The following TMC4 variants were observed in gnomAD, a reference collection of about 807,000 sequenced individuals.
TMC4 encodes the protein voltage-gated chloride channel TMC4.
TMC4 carries 70 observed loss-of-function variants against 82.0 expected under a neutral mutation model. That is an observed-to-expected ratio of 0.85 (90% CI 0.70 to 1.04). The LOEUF is 1.04. TMC4 is among the 50% of genes least tolerant of loss of function. The pLI is 0.00. For missense variants in TMC4, 879 were observed against 899.0 expected, an observed-to-expected ratio of 0.98 and a Z score of 0.28; for synonymous variants, 446 against 406.0, an observed-to-expected ratio of 1.10 and a Z score of -1.18.
rs1287544981 is a variant in TMC4, at chr19:54,168,454, C to T, written c.669G>A (p.Ser223=). The T allele has an allele frequency of 1.9e-6, 3 of 1,543,752 alleles. No individual in the cohort carries two copies. The highest frequency in any genetic ancestry group is 2.5e-5 in the East Asian group (1 of 40,812). The part of the protein sequence containing the change: ...TFATQLFNLL[S]GEGYLEWSPL... ...CAGGGACCCAGGCACCTACCTCACCCGAGAGCAAGTTGAAGAGCTGGGTGG... is the reference window on the plus strand; with the variant it reads ...CAGGGACCCAGGCACCTACCTCACCTGAGAGCAAGTTGAAGAGCTGGGTGG... Residue 223 remains serine (S), a synonymous_variant, in exon 4 of 15, where the codon TCG becomes TCA. Transcript: ENST00000619895.
chr19:54,160,158 A>C lies in TMC4; in HGVS notation c.*148T>G. Reference sequence around the variant, plus strand: ...ATACAAGGAAGATCACCCGAGAGTCAGGGACGTGGCGGCGAGGGGCCCTGG... The same window carrying C: ...ATACAAGGAAGATCACCCGAGAGTCCGGGACGTGGCGGCGAGGGGCCCTGG... On this transcript the variant is annotated 3_prime_UTR_variant, in exon 15 of 15. Transcript: ENST00000619895. 3.5e-6 allele frequency: 3 copies of C among 854,396 alleles called. No homozygotes were observed. The East Asian group carries it at 7.9e-5, about 22-fold the overall frequency. The allele number at this position is 854,396 out of a possible 1,614,324, so 52.9% of individuals were successfully genotyped here.
chr19:54,164,073 C>T (rs1190156662), intron 7 of TMC4, among the ~76,000 whole-genome samples, 186 bp from the exon 8 acceptor site: 1 of 150,388 alleles, frequency 6.6e-6, no homozygotes, highest in African/African-American at 2.5e-5. Flanking sequence ...CTCCCGGGTT[C>T]AAGTGATTCT....
chr19:54,172,963 C>T (rs934535264), intron 1 of TMC4, 76 bp downstream of exon 1: 1 of 1,326,886 alleles, frequency 7.5e-7, no homozygotes, highest in East Asian at 2.4e-5. Flanking sequence ...GGCCAGGCCT[C>T]CCCTTTCCTC....
intron 2 of TMC4, 65 bp from the exon 3 acceptor site, chr19:54,169,725 A>C (rs546618234): frequency 6.3e-7 from 1 of 1,589,168 alleles, no homozygotes; most frequent in Non-Finnish European, 8.5e-7. Context: ...ATCTGAATGT[A>C]GACACAATCC....
intron 2 of TMC4, among the ~76,000 whole-genome samples, chr19:54,171,001 C>T (rs2075867525): frequency 6.7e-6 from 1 of 148,752 alleles, no homozygotes; most frequent in African/African-American, 2.5e-5. Context: ...GATCCCACTA[C>T]TGATCGGTGT....
intron 5 of TMC4, among the ~76,000 whole-genome samples, chr19:54,167,296 A>G (rs2075728798): frequency 6.7e-6 from 1 of 149,672 alleles, no homozygotes; most frequent in Non-Finnish European, 1.5e-5. Context: ...GGTGGCTCAC[A>G]CCTGTAATCC....
chr19:54,165,850 AC>A (rs1329228203), intron 5 of TMC4, among the ~76,000 whole-genome samples: 1 of 152,128 alleles, frequency 6.6e-6, no homozygotes, highest in Non-Finnish European at 1.5e-5. Context: ...GGGGGCAGAA[AC>A]CCAGAGTGAG....
chr19:54,168,824 TTTCTTTTCTTTTCTTTTC>T lies in TMC4; in HGVS notation c.443-162_443-145del, dbSNP rs2075783277. 3 of 127,848 alleles carry T rather than the reference TTTCTTTTCTTTTCTTTTC, an allele frequency of 2.3e-5. 1 individual carries two copies. The highest frequency in any genetic ancestry group is 3.5e-5 in the Non-Finnish European group (3 of 86,038). 7.9% of individuals were successfully genotyped at this position (127,848 alleles called of 1,614,324 possible). On this transcript the variant is annotated intron_variant, in intron 3 of 14. Coordinates refer to ENST00000619895, the MANE Select transcript of TMC4 (RefSeq NM_144686.4). ...TTTCTTTTCTTTTCTTTTCTTTTCT[TTTCTTTTCTTTTCTTTTC>T]TTTTCTTTTCTTTTCTTTTCTTTTC...
chr19:54,162,940 C>T (rs2075603630), intron 9 of TMC4, 93 bp downstream of exon 9: 1 of 1,596,266 alleles, frequency 6.3e-7, no homozygotes, highest in South Asian at 1.1e-5. Flanking sequence ...ACCCCAAGCT[C>T]CCCTCTCCGC....
chr19:54,166,926 C>T (rs985658654), intron 5 of TMC4, among the ~76,000 whole-genome samples: 1 of 151,556 alleles, frequency 6.6e-6, no homozygotes, highest in Non-Finnish European at 1.5e-5. Context: ...GCACTCTAGC[C>T]TGGGTGACAG....
chr19:54,160,144 A>G lies in TMC4; in HGVS notation c.*162T>C, dbSNP rs2075499962. ...GGCTGTATTTATTGATACAAGGAAGATCACCCGAGAGTCAGGGACGTGGCG... is the reference window on the plus strand; with the variant it reads ...GGCTGTATTTATTGATACAAGGAAGGTCACCCGAGAGTCAGGGACGTGGCG... On this transcript the variant is annotated 3_prime_UTR_variant, in exon 15 of 15. Transcript: ENST00000619895. The G allele has an allele frequency of 1.3e-6, 1 of 757,730 alleles. No homozygotes were observed. 46.9% of individuals were successfully genotyped at this position (757,730 alleles called of 1,614,324 possible). A position where few individuals can be genotyped will look rare whatever the true frequency, so the allele number is the denominator to read the frequency against.
In TMC4 at chr19:54,168,317, G is replaced by A. The variant is rs568342984; in HGVS notation, c.676-25C>T. Reference sequence around the variant, plus strand: ...CCTGTGGGGGGAAGGCGGCGCAGGGGCCACTGTGGGAGGAGGCGGGGCTCC... The same window carrying A: ...CCTGTGGGGGGAAGGCGGCGCAGGGACCACTGTGGGAGGAGGCGGGGCTCC... On this transcript the variant is annotated intron_variant, in intron 4 of 14. Coordinates refer to ENST00000619895, the MANE Select transcript of TMC4 (RefSeq NM_144686.4). The A allele has an allele frequency of 3.0e-5, 46 of 1,545,780 alleles. No homozygotes were observed. The South Asian group carries it at 5.1e-4, about 17-fold the overall frequency.
rs1186842628 is a variant in TMC4, at chr19:54,160,468, GTC to G, written c.2049_2050del (p.Glu683AspfsTer6). ...CTCTCAGGGACCCGCCTGGCTCACC[GTC>G]TCTCTCTGACGTTTGAGCTCAGAGA... is the stretch of plus-strand genomic sequence containing the variant. On this transcript the variant is annotated frameshift_variant and splice_region_variant, in exon 14 of 15. Coordinates refer to ENST00000619895, the MANE Select transcript of TMC4 (RefSeq NM_144686.4). LOFTEE classifies it high-confidence loss of function. 1.2e-6 allele frequency: 2 copies of G among 1,613,666 alleles called. No homozygotes were observed. The highest frequency in any genetic ancestry group is 1.1e-5 in the South Asian group (1 of 91,076).
Position 54,160,339 on chromosome 19 carries a change from A to G in TMC4, c.2088T>C (p.Ala696=). The part of the protein sequence containing the change: ...AQNKVFLARR[A]VALTSTKPAL ...CCGGTTTGGTGGAGGTCAGCGCCAC[A>G]GCGCGCCGTGCCAGGAAGACTTTAT... is the stretch of plus-strand genomic sequence containing the variant. Residue 696 remains alanine (A), a synonymous_variant, in exon 15 of 15, where the codon GCT becomes GCC. Transcript: ENST00000619895. 6.6e-7 allele frequency: 1 copy of G among 1,523,746 alleles called. No homozygotes were observed. Among genetic ancestry groups the G allele is most frequent in the East Asian group, 2.3e-5 (1 of 44,014 alleles). 94.4% of individuals were successfully genotyped at this position (1,523,746 alleles called of 1,614,324 possible).
intron 7 of TMC4, 49 bp downstream of exon 7, chr19:54,164,385 A>G: frequency 6.4e-7 from 1 of 1,558,414 alleles, no homozygotes; most frequent in Non-Finnish European, 8.7e-7. Flanking sequence ...CACCGTTGGA[A>G]ATGTAGGTTC....
chr19:54,163,357 C>T, intron 8 of TMC4, 198 bp from the exon 9 acceptor site: 1 of 735,190 alleles, frequency 1.4e-6, no homozygotes, highest in Non-Finnish European at 2.1e-6. Context: ...GTCACCCGGA[C>T]TGGAGTGCAG....
chr19:54,166,877 C>G (rs560066904), intron 5 of TMC4, among the ~76,000 whole-genome samples: 1 of 151,978 alleles, frequency 6.6e-6, no homozygotes, highest in South Asian at 2.1e-4. Context: ...TGCTTGAACC[C>G]GGGCGGCGGA....
intron 2 of TMC4, among the ~76,000 whole-genome samples, chr19:54,171,081 G>A (rs1264319614): frequency 7.8e-5 from 3 of 38,226 alleles, no homozygotes; most frequent in Admixed American, 2.7e-4. Context: ...ACATATATAT[G>A]TGTATATATA....
intron 8 of TMC4, 117 bp downstream of exon 8, chr19:54,163,607 G>A: frequency 1.5e-6 from 2 of 1,297,176 alleles, no homozygotes; most frequent in Non-Finnish European, 2.2e-6. Flanking sequence ...ACAGAGTCAG[G>A]ATTTGAATCC....
Sources: allele counts gnomAD v4.1 joint callset (sites outside exome capture counted in the v4.1 genomes callset), GRCh38; gene constraint gnomAD v4.1.1; transcripts MANE v1.5; gene names NCBI Gene and HGNC (gene_info 2026-07-23, HGNC 2026-07-21).